FRMD4A: variants seen among roughly 807,000 people sequenced by gnomAD.
FRMD4A encodes FERM domain containing 4A.
FRMD4A carries 29 observed loss-of-function variants against 129.1 expected under a neutral mutation model. That is an observed-to-expected ratio of 0.22 (90% CI 0.17 to 0.31). The LOEUF is 0.31. FRMD4A is among the 10% of genes least tolerant of loss of function. The pLI, the probability that FRMD4A is intolerant of heterozygous loss-of-function variation, is 1.00. For missense variants in FRMD4A, 1,272 were observed against 1,375.8 expected (o/e 0.92, Z 1.19); for synonymous variants, 634 against 571.6 (o/e 1.11, Z -1.56).
intron 9 of FRMD4A, among the ~76,000 whole-genome samples, chr10:13,746,448 T>G (rs2091296226): frequency 6.6e-6 from 1 of 151,960 alleles, no homozygotes; most frequent in Non-Finnish European, 1.5e-5. Context: ...CTCCTGACCT[T>G]GTGATCTGCC....
chr10:13,688,409 G>T (rs546388432), intron 15 of FRMD4A, among the ~76,000 whole-genome samples: 31 of 152,204 alleles, frequency 2.0e-4, no homozygotes, highest in African/African-American at 7.2e-4. Flanking sequence ...TGGGGGACAG[G>T]GGGAGGGATA....
At chr10:14,184,307 T>C (rs1303484736) in intron 2 of FRMD4A, among the ~76,000 whole-genome samples, 5 of 144,638 alleles carry the variant, frequency 3.5e-5, no homozygotes, top group Admixed American at 2.1e-4. Flanking sequence ...AATTTTTTTT[T>C]TTTTTTTAGT....
At chr10:13,749,029 C>T (rs1739008747) in intron 8 of FRMD4A, among the ~76,000 whole-genome samples, 1 of 152,204 alleles carries the variant, frequency 6.6e-6, no homozygotes, top group South Asian at 2.1e-4. Flanking sequence ...CCTCCTTACA[C>T]ACTCAGCAGG....
intron 3 of FRMD4A, among the ~76,000 whole-genome samples, chr10:13,858,579 G>A (rs1043543693): frequency 1.3e-5 from 2 of 152,228 alleles, no homozygotes; most frequent in African/African-American, 2.4e-5. Context: ...AGAAAGAATA[G>A]CTAAGGGCAT....
intron 2 of FRMD4A, among the ~76,000 whole-genome samples, chr10:13,900,602 T>A (rs984833966): frequency 1.3e-5 from 2 of 152,140 alleles, no homozygotes; most frequent in Non-Finnish European, 2.9e-5. Flanking sequence ...GAAATATGTA[T>A]TAATAAAAAT....
intron 2 of FRMD4A, among the ~76,000 whole-genome samples, chr10:13,877,577 G>T (rs548766363): frequency 1.3e-5 from 2 of 152,220 alleles, no homozygotes; most frequent in Admixed American, 1.3e-4. Context: ...TTGGGGACCC[G>T]TAGTGCTTCC....
In FRMD4A at chr10:13,843,635, T is replaced by G. The variant is rs550957038; in HGVS notation, c.111+15212A>C. ...GCCTCAGCCTCCTGAGTGGCTGGAA[T>G]TAGAGGCGGCCACCACCATGCCTGG... On this transcript the variant is annotated intron_variant, in intron 3 of 24. Coordinates refer to ENST00000357447, the MANE Select transcript of FRMD4A (RefSeq NM_018027.5). 5.3e-5 allele frequency among the ~76,000 whole-genome samples: 8 copies of G among 152,236 alleles called. No individual in the cohort carries two copies. In the South Asian group the frequency reaches 1.7e-3, roughly 32 times the overall value.
At chr10:14,132,707 G>C (rs1314422704) in intron 2 of FRMD4A, among the ~76,000 whole-genome samples, 1 of 152,224 alleles carries the variant, frequency 6.6e-6, no homozygotes, top group Non-Finnish European at 1.5e-5. Flanking sequence ...GCCCAGGGCT[G>C]TCTGGGAAGT....
intron 2 of FRMD4A, among the ~76,000 whole-genome samples, chr10:14,312,998 A>G (rs1357647991): frequency 6.6e-6 from 1 of 152,246 alleles, no homozygotes; most frequent in Admixed American, 6.5e-5. Context: ...AGTAGTAAGG[A>G]AACCTGGTTT....
chr10:14,290,592 G>A (rs371820057), intron 2 of FRMD4A, among the ~76,000 whole-genome samples: 1 of 151,982 alleles, frequency 6.6e-6, no homozygotes, highest in South Asian at 2.1e-4. Context: ...TCAAAATTGA[G>A]AAAAAACTTA....
chr10:13,945,555 A>T (rs1279401585), intron 2 of FRMD4A, among the ~76,000 whole-genome samples: 1 of 152,026 alleles, frequency 6.6e-6, no homozygotes, highest in East Asian at 1.9e-4. Flanking sequence ...ATGCTTAAAT[A>T]TGTAGTCGTA....
intron 2 of FRMD4A, among the ~76,000 whole-genome samples, chr10:14,095,031 T>C (rs1223726914): frequency 6.6e-6 from 1 of 152,150 alleles, no homozygotes; most frequent in African/African-American, 2.4e-5. Flanking sequence ...TGTGTACACA[T>C]GTGCATGTGT....
intron 2 of FRMD4A, among the ~76,000 whole-genome samples, chr10:13,980,801 C>A (rs2095557896): frequency 6.6e-6 from 1 of 151,976 alleles, no homozygotes; most frequent in Non-Finnish European, 1.5e-5. Flanking sequence ...CTCATGAAAC[C>A]ACACCCAGAC....
intron 2 of FRMD4A, among the ~76,000 whole-genome samples, chr10:14,141,819 G>C (rs1839850370): frequency 6.6e-6 from 1 of 152,170 alleles, no homozygotes; most frequent in Non-Finnish European, 1.5e-5. Context: ...GTGCACATGT[G>C]TGTGTGTGCC....
chr10:14,102,110 A>G (rs115923082), intron 2 of FRMD4A, among the ~76,000 whole-genome samples: 2,690 of 152,278 alleles, frequency 0.018, 81 homozygotes, highest in African/African-American at 0.059. Context: ...GCTACAAGAA[A>G]AGAACACAAG....
intron 3 of FRMD4A, among the ~76,000 whole-genome samples, chr10:13,856,225 T>A (rs2094212854): frequency 3.6e-5 from 1 of 27,686 alleles, no homozygotes; most frequent in South Asian, 1.5e-3. Context: ...CAAGTGTGTG[T>A]GTGTGTGTGT....
At chr10:13,782,392 C>T (rs1037142931) in intron 6 of FRMD4A, among the ~76,000 whole-genome samples, 1 of 150,734 alleles carries the variant, frequency 6.6e-6, no homozygotes, top group African/African-American at 2.4e-5. Flanking sequence ...TCCACAGAGC[C>T]AGAAACACAG....
chr10:13,857,735 A>G (rs908927381), intron 3 of FRMD4A, among the ~76,000 whole-genome samples: 2 of 152,212 alleles, frequency 1.3e-5, no homozygotes, highest in South Asian at 4.1e-4. Flanking sequence ...ACAAAATGTG[A>G]TAGAGAATGA....
chr10:13,899,502 A>C (rs539067771), intron 2 of FRMD4A, among the ~76,000 whole-genome samples: 2 of 152,282 alleles, frequency 1.3e-5, no homozygotes, highest in East Asian at 3.9e-4. Flanking sequence ...GGATGTAAAA[A>C]GGTGAAGTGG....
Sources: gnomAD v4.1 joint callset for allele counts (sites outside exome capture counted in the v4.1 genomes callset) on GRCh38, gnomAD v4.1.1 for gene constraint, MANE v1.5 for transcripts, NCBI Gene and HGNC (gene_info 2026-07-23, HGNC 2026-07-21) for gene names.